ATG2B: variants seen among roughly 807,000 people sequenced by gnomAD.
The protein encoded by ATG2B is autophagy related 2B.
ATG2B carries 121 observed loss-of-function variants against 241.3 expected under a neutral mutation model. The ratio of observed to expected loss-of-function variants is 0.50; its 90% CI spans 0.43 to 0.58. The LOEUF (loss-of-function observed/expected upper bound fraction) is 0.58. Ranked by LOEUF, ATG2B falls within the 20% of genes least tolerant of loss-of-function variation. The pLI is 0.00. For synonymous variants in ATG2B, 858 were observed against 876.6 expected, an observed-to-expected ratio of 0.98 and a Z score of 0.37; for missense variants, 2,306 against 2,491.6, an observed-to-expected ratio of 0.93 and a Z score of 1.59.
intron 1 of ATG2B, among the ~76,000 whole-genome samples, chr14:96,349,369 A>G (rs141640660): frequency 6.6e-6 from 1 of 152,370 alleles, no homozygotes; most frequent in Non-Finnish European, 1.5e-5. Context: ...AGCGTCTGAA[A>G]TTTATCTTAA....
At position 96,322,172 on chromosome 14, in the gene ATG2B, G is replaced by GT; in HGVS notation, c.2818dup (p.Thr940AsnfsTer11). 5 of 1,575,808 alleles carry GT rather than the reference G, an allele frequency of 3.2e-6. No homozygotes were observed. The highest frequency in any genetic ancestry group is 4.3e-6 in the Non-Finnish European group (5 of 1,166,718). ...TAGTGTTACATAAATATTTGGTAAC[G>GT]TAAGTTCCAGCACATAGTGAGAATT... On this transcript the variant is annotated frameshift_variant, in exon 18 of 42. Coordinates refer to ENST00000359933, the MANE Select transcript of ATG2B (RefSeq NM_018036.7). LOFTEE classifies it high-confidence loss of function.
At chr14:96,304,674 T>G in intron 31 of ATG2B, 71 bp from the exon 32 acceptor site, 7 of 1,191,646 alleles carry the variant, frequency 5.9e-6, no homozygotes, top group Middle Eastern at 2.2e-4. Flanking sequence ...TGAATGACAT[T>G]AAGGAAAATG....
intron 8 of ATG2B, among the ~76,000 whole-genome samples, chr14:96,333,284 A>G (rs111850059): frequency 2.3e-3 from 355 of 152,294 alleles, no homozygotes; most frequent in Middle Eastern, 3.4e-3. Context: ...ACTGATGGAA[A>G]GATCAATAAA....
chr14:96,331,624 T>C lies in ATG2B; in HGVS notation c.1482A>G (p.Arg494=), dbSNP rs770909842. 6.2e-6 allele frequency: 10 copies of C among 1,606,034 alleles called. No homozygotes were observed. In the South Asian group the frequency reaches 6.7e-5, roughly 11 times the overall value. ...TPLQKTSLPS[R]SVSVDESRPE... Reference sequence around the variant, plus strand: ...GCCTTGATTCATCCACTGAAACAGATCTAGATGGGAGAGCTAAAATACAAG... The same window carrying C: ...GCCTTGATTCATCCACTGAAACAGACCTAGATGGGAGAGCTAAAATACAAG... The change falls in exon 11 of 42, where the codon AGA becomes AGG. Residue 494 remains arginine (R), a synonymous_variant. Transcript: ENST00000359933.
Position 96,331,297 on chromosome 14 carries a change from T to G in ATG2B, c.1730+79A>C, listed in dbSNP as rs147647647. 5.3e-3 allele frequency: 7,149 copies of G among 1,357,544 alleles called. 238 individuals carry two copies. In the South Asian group the frequency reaches 0.065, roughly 12 times the overall value. 84.1% of individuals were successfully genotyped at this position (1,357,544 alleles called of 1,614,324 possible). A position where few individuals can be genotyped will look rare whatever the true frequency, so the allele number is the denominator to read the frequency against. On this transcript the variant is annotated intron_variant, in intron 11 of 41. Transcript: ENST00000359933. ...AAATGCAGATAGGCAGATACAAAAGTCCACATGTGGTTCTTTTTCAAGGAT... is the reference window on the plus strand; with the variant it reads ...AAATGCAGATAGGCAGATACAAAAGGCCACATGTGGTTCTTTTTCAAGGAT...
At chr14:96,319,609 T>C (rs1387000976) in intron 18 of ATG2B, among the ~76,000 whole-genome samples, 2 of 152,136 alleles carry the variant, frequency 1.3e-5, no homozygotes, top group South Asian at 2.1e-4. Context: ...AAGGATAGTA[T>C]TGACATATTA....
At chr14:96,310,795 A>T (rs1159230946) in intron 28 of ATG2B, among the ~76,000 whole-genome samples, 1 of 152,240 alleles carries the variant, frequency 6.6e-6, no homozygotes, top group Non-Finnish European at 1.5e-5. Context: ...TAGCATTTTT[A>T]CATACAACTT....
At chr14:96,351,561 C>G (rs959149999) in intron 1 of ATG2B, among the ~76,000 whole-genome samples, 1 of 151,962 alleles carries the variant, frequency 6.6e-6, no homozygotes, top group Non-Finnish European at 1.5e-5. Flanking sequence ...CATGGTGAAA[C>G]CCTGTCTCTA....
chr14:96,332,682 G>C lies in ATG2B; in HGVS notation c.1208-27C>G, dbSNP rs1214380663. 4 of 1,509,244 alleles carry C rather than the reference G, an allele frequency of 2.7e-6. No individual in the cohort carries two copies. In the Admixed American group the frequency reaches 9.3e-5, roughly 35 times the overall value. 93.5% of individuals were successfully genotyped at this position (1,509,244 alleles called of 1,614,324 possible). On this transcript the variant is annotated intron_variant, in intron 8 of 41. Transcript: ENST00000359933. ...TAGAGAGAATTAAACTATGTCACTT[G>C]TATTATAATCCCACCAATTCAAGTC...
At chr14:96,293,570 T>C (rs1444966890) in intron 36 of ATG2B, among the ~76,000 whole-genome samples, 1 of 152,194 alleles carries the variant, frequency 6.6e-6, no homozygotes, top group African/African-American at 2.4e-5. Flanking sequence ...CTGGATTTTC[T>C]GGATTAGAGA....
At chr14:96,311,877 T>C (rs967453094) in intron 26 of ATG2B, among the ~76,000 whole-genome samples, 1 of 152,172 alleles carries the variant, frequency 6.6e-6, no homozygotes, top group African/African-American at 2.4e-5. Flanking sequence ...ATAAGAACAT[T>C]ACAATTTCAA....
intron 34 of ATG2B, among the ~76,000 whole-genome samples, chr14:96,301,444 G>C (rs1270690575): frequency 1.3e-5 from 2 of 152,216 alleles, no homozygotes; most frequent in Admixed American, 1.3e-4. Context: ...AGAGGCACCA[G>C]CTATGTTTTA....
At chr14:96,320,610 G>C (rs79306936) in intron 18 of ATG2B, among the ~76,000 whole-genome samples, 1,583 of 152,252 alleles carry the variant, frequency 0.01, 34 homozygotes, top group African/African-American at 0.036. Flanking sequence ...CCTGTATTTA[G>C]AAATGAAGTG....
intron 15 of ATG2B, 100 bp from the exon 16 acceptor site, chr14:96,324,098 C>G: frequency 1.3e-6 from 1 of 745,028 alleles, no homozygotes; most frequent in South Asian, 1.8e-5. Flanking sequence ...ATAATGCAAC[C>G]TTAAGTTCTA....
chr14:96,359,292 C>G (rs887915649), intron 1 of ATG2B, among the ~76,000 whole-genome samples: 2 of 151,894 alleles, frequency 1.3e-5, no homozygotes, highest in African/African-American at 2.4e-5. Context: ...GTAGGAGGAT[C>G]GCTTGAGCCT....
intron 28 of ATG2B, among the ~76,000 whole-genome samples, chr14:96,310,766 C>A (rs1456306605): frequency 6.6e-6 from 1 of 152,108 alleles, no homozygotes; most frequent in African/African-American, 2.4e-5. Context: ...AATACTAACA[C>A]CTGCCATCTA....
intron 13 of ATG2B, 42 bp from the exon 14 acceptor site, chr14:96,328,577 A>T (rs187620915): frequency 1.9e-6 from 3 of 1,564,358 alleles, no homozygotes; most frequent in African/African-American, 1.4e-5. Flanking sequence ...ACAATCACTA[A>T]AAACTACTAT....
chr14:96,292,050 G>T lies in ATG2B; in HGVS notation c.5475C>A (p.Gly1825=). Residue 1825 remains glycine (G), a synonymous_variant, in exon 37 of 42, where the codon GGC becomes GGA. Coordinates refer to ENST00000359933, the MANE Select transcript of ATG2B (RefSeq NM_018036.7). The part of the protein sequence containing the change: ...SEVPIRLDYH[G]KHVSMDQGTL... ...CAACCTGATCCATTGATACATGTTT[G>T]CCATGATAATCAAGTCGAATGGGAA... 1 of 1,598,996 alleles carries T rather than the reference G, an allele frequency of 6.3e-7. No homozygotes were observed. The highest frequency in any genetic ancestry group is 8.5e-7 in the Non-Finnish European group (1 of 1,172,232).
chr14:96,310,482 A>T (rs1257652540), intron 28 of ATG2B, among the ~76,000 whole-genome samples: 1 of 152,224 alleles, frequency 6.6e-6, no homozygotes, highest in Non-Finnish European at 1.5e-5. Context: ...GACATTCTTC[A>T]ATTTGGACAT....
Sources: gnomAD v4.1 joint callset for allele counts (sites outside exome capture counted in the v4.1 genomes callset) on GRCh38, gnomAD v4.1.1 for gene constraint, MANE v1.5 for transcripts, NCBI Gene and HGNC (gene_info 2026-07-23, HGNC 2026-07-21) for gene names.